The following RPF1 variants were observed in gnomAD, a reference collection of about 807,000 sequenced individuals.
The protein encoded by RPF1 is ribosome production factor 1 homolog, also known as ribosome production factor 1.
RPF1 carries 34 observed loss-of-function variants against 41.9 expected under a neutral mutation model. The ratio of observed to expected loss-of-function variants is 0.81; its 90% confidence interval spans 0.62 to 1.08. RPF1 has a LOEUF of 1.08. Ranked by LOEUF, RPF1 falls within the 50% of genes least tolerant of loss-of-function variation. RPF1 has a pLI of 0.00. For synonymous variants in RPF1, 140 were observed against 148.9 expected (o/e 0.94, Z 0.43); for missense variants, 425 against 435.2 (o/e 0.98, Z 0.21).
intron 7 of RPF1, 50 bp from the exon 8 acceptor site, chr1:84,496,194 T>C: frequency 6.4e-7 from 1 of 1,554,204 alleles, no homozygotes; most frequent in South Asian, 1.2e-5. Context: ...CCTGTCATAA[T>C]GTTAAACAAT....
At position 84,496,281 on chromosome 1, in the gene RPF1, G is replaced by T. The variant is rs1243776020; in HGVS notation, c.919G>T (p.Glu307Ter). The T allele has an allele frequency of 6.2e-7, 1 of 1,613,314 alleles. No individual in the cohort carries two copies. Among genetic ancestry groups the T allele is most frequent in the Non-Finnish European group, 8.5e-7 (1 of 1,179,598 alleles). Reference sequence around the variant, plus strand: ...GAGTGAAAAGAAAGTGGGAATTCAGGAACTTGGACCACGTTTTACCTTAAA... The same window carrying T: ...GAGTGAAAAGAAAGTGGGAATTCAGTAACTTGGACCACGTTTTACCTTAAA... ...FRSEKKVGIQ[E>*]LGPRFTLKLR... The change falls in exon 8 of 9, where the codon GAA becomes TAA. Residue 307 changes from glutamate (E) to a stop codon, truncating the protein, a stop_gained. Coordinates refer to ENST00000370654, the MANE Select transcript of RPF1 (RefSeq NM_025065.7). LOFTEE classifies it high-confidence loss of function.
chr1:84,489,601 G>T (rs750457665), intron 3 of RPF1, 32 bp from the exon 4 acceptor site: 32 of 1,201,952 alleles, frequency 2.7e-5, no homozygotes, highest in Non-Finnish European at 3.7e-5. Flanking sequence ...GTATTTCTTT[G>T]ATGTAAAATT....
At chr1:84,491,470 AACTT>A (rs938903236) in intron 5 of RPF1, among the ~76,000 whole-genome samples, 1 of 152,232 alleles carries the variant, frequency 6.6e-6, no homozygotes, top group Non-Finnish European at 1.5e-5. Context: ...TTATCAATAT[AACTT>A]ACTTTATCCA....
intron 3 of RPF1, among the ~76,000 whole-genome samples, chr1:84,485,295 C>T (rs921391117): frequency 2.0e-5 from 3 of 152,180 alleles, no homozygotes; most frequent in African/African-American, 7.2e-5. Context: ...GATGGGGTTT[C>T]ACCATGTTGC....
In RPF1 at chr1:84,496,308, T is replaced by G. The variant is rs766734503; in HGVS notation, c.946T>G (p.Leu316Val). 7 of 1,613,092 alleles carry G rather than the reference T, an allele frequency of 4.3e-6. No homozygotes were observed. In the East Asian group the frequency reaches 1.6e-4, roughly 36 times the overall value. Residue 316 changes from leucine to valine, a missense_variant, in exon 8 of 9, where the codon TTA (leucine) becomes GTA (valine). Physicochemically the swap from Leu to Val is conservative, Grantham distance 32. Transcript: ENST00000370654. Reference protein sequence around the residue: ...QELGPRFTLKLRSLQKGTFDS... With the variant: ...QELGPRFTLKVRSLQKGTFDS... ...ACTTGGACCACGTTTTACCTTAAAA[T>G]TAAGGTCTCTTCAGAAAGGAACCTT...
intron 2 of RPF1, 136 bp downstream of exon 2, chr1:84,481,148 A>G: frequency 1.9e-6 from 1 of 540,036 alleles, no homozygotes; most frequent in Non-Finnish European, 3.2e-6. Context: ...GTAATATAAT[A>G]AACCTCTTTG....
chr1:84,494,448 A>G (rs1681892158), intron 5 of RPF1, among the ~76,000 whole-genome samples: 1 of 152,208 alleles, frequency 6.6e-6, no homozygotes, highest in African/African-American at 2.4e-5. Flanking sequence ...AAGTTGTTGA[A>G]TCAGATGAAA....
At chr1:84,480,404 A>G (rs1681622238) in intron 1 of RPF1, among the ~76,000 whole-genome samples, 1 of 152,258 alleles carries the variant, frequency 6.6e-6, no homozygotes, top group Non-Finnish European at 1.5e-5. Flanking sequence ...AATCTCCAGA[A>G]GAATATATAG....
At position 84,482,794 on chromosome 1, in the gene RPF1, T is replaced by A; in HGVS notation, c.286-121T>A. On this transcript the variant is annotated intron_variant, in intron 2 of 8. Coordinates refer to ENST00000370654, the MANE Select transcript of RPF1 (RefSeq NM_025065.7). ...ATTAGAATTGATGTAGCAATAGAAG[T>A]GGATTGATATGAGGAACAGATTGAG... 5.1e-6 allele frequency: 3 copies of A among 591,132 alleles called. No homozygotes were observed. The South Asian group carries it at 7.8e-5, about 15-fold the overall frequency. The allele number at this position is 591,132 out of a possible 1,614,324, so 36.6% of individuals were successfully genotyped here. A position where few individuals can be genotyped will look rare whatever the true frequency, so the allele number is the denominator to read the frequency against.
At position 84,479,293 on chromosome 1, in the gene RPF1, C is replaced by T. The variant is rs748860964; in HGVS notation, c.12C>T (p.Ala4=). 8.8e-6 allele frequency: 14 copies of T among 1,599,116 alleles called. No homozygotes were observed. The highest frequency in any genetic ancestry group is 5.6e-5 in the South Asian group (5 of 89,596). The change falls in exon 1 of 9, where the codon GCC becomes GCT. Residue 4 remains alanine, a synonymous_variant. Coordinates refer to ENST00000370654, the MANE Select transcript of RPF1 (RefSeq NM_025065.7). ...AAGGAGCCAAGACCATGGCGAAAGC[C>T]GGGGATAAGAGCAGCAGCAGCGGGA... MAK[A]GDKSSSSGKK...
At position 84,496,144 on chromosome 1, in the gene RPF1, A is replaced by G. The variant is rs2101888151; in HGVS notation, c.881+81A>G. The G allele has an allele frequency of 5.4e-6, 8 of 1,471,158 alleles. No homozygotes were observed. The South Asian group carries it at 1.0e-4, about 18-fold the overall frequency. The allele number at this position is 1,471,158 out of a possible 1,614,324, so 91.1% of individuals were successfully genotyped here. ...ATGAACTAATTTTCCAACATATTGT[A>G]GCAAGTATCATACAAGATAAAATGA... On this transcript the variant is annotated intron_variant, in intron 7 of 8. Transcript: ENST00000370654.
rs2101889449 is a variant in RPF1 at position 84,498,185 on chromosome 1, T to C, written c.*715T>C. The C allele has an allele frequency of 6.6e-6, 1 of 152,560 alleles. No individual in the cohort carries two copies. Among genetic ancestry groups the C allele is most frequent in the Non-Finnish European group, 1.5e-5 (1 of 68,036 alleles). The allele number at this position is 152,560 out of a possible 1,614,324, so 9.5% of individuals were successfully genotyped here. A position where few individuals can be genotyped will look rare whatever the true frequency, so the allele number is the denominator to read the frequency against. On this transcript the variant is annotated 3_prime_UTR_variant, in exon 9 of 9. Transcript: ENST00000370654. ...ATAAAGGTTCACAGTTTACCTTTAA[T>C]TCCCTAGCAGTCTTGCCAGATGTAT... is the stretch of plus-strand genomic sequence containing the variant.
chr1:84,497,361 C>A (rs1257470774), intron 8 of RPF1, 68 bp from the exon 9 acceptor site: 4 of 1,354,468 alleles, frequency 3.0e-6, no homozygotes, highest in African/African-American at 2.9e-5. Flanking sequence ...CTTTTACTGT[C>A]TTACCTGAAT....
chr1:84,495,367 G>T lies in RPF1; in HGVS notation c.617-6G>T. The T allele has an allele frequency of 1.5e-6, 2 of 1,342,058 alleles. No homozygotes were observed. The highest frequency in any genetic ancestry group is 1.2e-5 in the South Asian group (1 of 80,828). 83.1% of individuals were successfully genotyped at this position (1,342,058 alleles called of 1,614,324 possible). On this transcript the variant is annotated splice_polypyrimidine_tract_variant and splice_region_variant and intron_variant, in intron 5 of 8. Coordinates refer to ENST00000370654, the MANE Select transcript of RPF1 (RefSeq NM_025065.7). ...TCAATGTGTTTTTCTTAACTTTTATGAACAGATGGACTTATTTTGAGTCAC... is the reference window on the plus strand; with the variant it reads ...TCAATGTGTTTTTCTTAACTTTTATTAACAGATGGACTTATTTTGAGTCAC...
At chr1:84,491,779 A>T (rs535179564) in intron 5 of RPF1, among the ~76,000 whole-genome samples, 2 of 152,212 alleles carry the variant, frequency 1.3e-5, no homozygotes, top group Non-Finnish European at 2.9e-5. Context: ...GCATTCATCA[A>T]TTCAATAAAT....
intron 5 of RPF1, 98 bp from the exon 6 acceptor site, chr1:84,495,275 A>G (rs1681912238): frequency 2.9e-6 from 2 of 681,048 alleles, no homozygotes; most frequent in East Asian, 5.5e-5. Flanking sequence ...TCACTTGGGT[A>G]CAGATTTTAG....
chr1:84,479,573 G>T, intron 1 of RPF1, 64 bp downstream of exon 1: 1 of 1,483,548 alleles, frequency 6.7e-7, no homozygotes, highest in Non-Finnish European at 9.3e-7. Context: ...GGCGGTCGCG[G>T]GGCGCACATC....
At position 84,497,489 on chromosome 1, in the gene RPF1, T is replaced by G. The variant is rs371334352; in HGVS notation, c.*19T>G. 8 of 1,590,062 alleles carry G rather than the reference T, an allele frequency of 5.0e-6. No individual in the cohort carries two copies. Among genetic ancestry groups the G allele is most frequent in the Non-Finnish European group, 6.9e-6 (8 of 1,161,904 alleles). ...TTTATAAAGTACTGAGAGAATGATA[T>G]TGGATTTTGCTGAACAGGCCTATCT... On this transcript the variant is annotated 3_prime_UTR_variant, in exon 9 of 9. Coordinates refer to ENST00000370654, the MANE Select transcript of RPF1 (RefSeq NM_025065.7).
chr1:84,496,262 AAAG>A lies in RPF1; in HGVS notation c.903_905del (p.Lys302del). 1 of 1,613,488 alleles carries A rather than the reference AAAG, an allele frequency of 6.2e-7. No individual in the cohort carries two copies. The highest frequency in any genetic ancestry group is 8.5e-7 in the Non-Finnish European group (1 of 1,179,582). On this transcript the variant is annotated inframe_deletion, in exon 8 of 9. Coordinates refer to ENST00000370654, the MANE Select transcript of RPF1 (RefSeq NM_025065.7). ...TTTGAAGATACATATTCAGGAGTGA[AAAG>A]AAAGTGGGAATTCAGGAACTTGGAC...
Sources: allele counts gnomAD v4.1 joint callset (sites outside exome capture counted in the v4.1 genomes callset), GRCh38; gene constraint gnomAD v4.1.1; transcripts MANE v1.5; gene names NCBI Gene and HGNC (gene_info 2026-07-23, HGNC 2026-07-21).